KCNQ5: variants seen among roughly 807,000 people sequenced by gnomAD.
KCNQ5 encodes the protein potassium voltage-gated channel subfamily Q member 5, also known as potassium voltage-gated channel subfamily KQT member 5.
In KCNQ5, 30 loss-of-function variants were observed where a neutral mutation model predicts 98.2. The ratio of observed to expected loss-of-function variants is 0.31; its 90% CI spans 0.23 to 0.41. The LOEUF (loss-of-function observed/expected upper bound fraction) is 0.41. Ranked by LOEUF, KCNQ5 falls within the 10% of genes least tolerant of loss-of-function variation. The probability of loss-of-function intolerance (pLI) is 1.00; values close to 1 mark genes in which losing one functional copy is unlikely to be tolerated. For missense variants in KCNQ5, 835 were observed against 1,182.5 expected (o/e 0.71, Z 4.31); for synonymous variants, 458 against 449.4 (o/e 1.02, Z -0.24).
chr6:73,171,676 C>G (rs1260168266), intron 11 of KCNQ5, among the ~76,000 whole-genome samples: 2 of 152,160 alleles, frequency 1.3e-5, no homozygotes, highest in African/African-American at 4.8e-5. Context: ...GACAAAGAAA[C>G]GAAAGATTTC....
intron 3 of KCNQ5, among the ~76,000 whole-genome samples, chr6:73,064,988 C>T (rs1337522742): frequency 6.6e-6 from 1 of 150,986 alleles, no homozygotes. Flanking sequence ...TTTGTGATCA[C>T]ACTTTGAAGC....
At chr6:72,873,782 C>T (rs1326966690) in intron 1 of KCNQ5, among the ~76,000 whole-genome samples, 1 of 151,992 alleles carries the variant, frequency 6.6e-6, no homozygotes, top group East Asian at 1.9e-4. Flanking sequence ...GAGCTAGTTT[C>T]TCAGACCAGA....
intron 10 of KCNQ5, among the ~76,000 whole-genome samples, chr6:73,142,531 A>G (rs1294538990): frequency 1.3e-5 from 2 of 152,144 alleles, no homozygotes. Context: ...CTCAACCTAT[A>G]GCTACGCAAT....
At chr6:72,983,388 C>G (rs1768571476) in intron 1 of KCNQ5, among the ~76,000 whole-genome samples, 1 of 152,054 alleles carries the variant, frequency 6.6e-6, no homozygotes, top group Non-Finnish European at 1.5e-5. Flanking sequence ...TCTTTTTTCT[C>G]TAAACTTCTC....
At chr6:73,047,935 G>A (rs1772044765) in intron 3 of KCNQ5, among the ~76,000 whole-genome samples, 1 of 152,140 alleles carries the variant, frequency 6.6e-6, no homozygotes, top group Non-Finnish European at 1.5e-5. Context: ...ATAAAACAAA[G>A]AAGCAAAGGA....
intron 1 of KCNQ5, among the ~76,000 whole-genome samples, chr6:72,864,315 A>T (rs918953290): frequency 3.9e-5 from 6 of 152,090 alleles, no homozygotes; most frequent in African/African-American, 1.4e-4. Flanking sequence ...CATTAGTACT[A>T]CTCAAGACAC....
At chr6:72,734,477 A>G (rs1770721465) in intron 1 of KCNQ5, among the ~76,000 whole-genome samples, 2 of 151,786 alleles carry the variant, frequency 1.3e-5, no homozygotes, top group Admixed American at 6.6e-5. Flanking sequence ...ACCCACCACC[A>G]CACCTGGCTA....
intron 1 of KCNQ5, among the ~76,000 whole-genome samples, chr6:72,749,888 G>A (rs1400995498): frequency 6.6e-6 from 1 of 151,966 alleles, no homozygotes; most frequent in African/African-American, 2.4e-5. Context: ...GCCTGTCAAG[G>A]AAGTACAAAC....
chr6:72,855,950 A>G (rs1777514136), intron 1 of KCNQ5, among the ~76,000 whole-genome samples: 1 of 152,234 alleles, frequency 6.6e-6, no homozygotes, highest in Admixed American at 6.5e-5. Context: ...ATTGTAATTC[A>G]CATCCATACC....
intron 1 of KCNQ5, among the ~76,000 whole-genome samples, chr6:72,888,077 T>G (rs904712495): frequency 2.0e-5 from 3 of 151,742 alleles, no homozygotes; most frequent in African/African-American, 7.3e-5. Context: ...TCAGATGAAA[T>G]AAAGTTTAAG....
At chr6:72,643,665 G>A (rs1220212919) in intron 1 of KCNQ5, among the ~76,000 whole-genome samples, 4 of 152,038 alleles carry the variant, frequency 2.6e-5, no homozygotes, top group Non-Finnish European at 4.4e-5. Flanking sequence ...AACCTGGAGA[G>A]GCCAAAACAC....
At chr6:72,977,558 C>G (rs956057618) in intron 1 of KCNQ5, among the ~76,000 whole-genome samples, 72 of 152,192 alleles carry the variant, frequency 4.7e-4, no homozygotes, top group Non-Finnish European at 1.5e-4. Flanking sequence ...AAAGCAGGGG[C>G]CGGAAGACCT....
intron 1 of KCNQ5, among the ~76,000 whole-genome samples, chr6:72,763,151 C>T (rs1772374714): frequency 6.6e-6 from 1 of 151,750 alleles, no homozygotes; most frequent in Non-Finnish European, 1.5e-5. Flanking sequence ...AAAGATATAT[C>T]TTTATATTTA....
At chr6:72,921,158 C>T (rs894109921) in intron 1 of KCNQ5, among the ~76,000 whole-genome samples, 1 of 152,066 alleles carries the variant, frequency 6.6e-6, no homozygotes, top group Non-Finnish European at 1.5e-5. Flanking sequence ...GATCTCATAA[C>T]ATGGGGAATA....
chr6:73,147,223 G>A (rs372246926), intron 10 of KCNQ5, among the ~76,000 whole-genome samples: 1 of 152,034 alleles, frequency 6.6e-6, no homozygotes, highest in East Asian at 1.9e-4. Context: ...GATATAATGT[G>A]TGTAAAATTC....
At chr6:72,675,880 A>G (rs1400548075) in intron 1 of KCNQ5, among the ~76,000 whole-genome samples, 1 of 152,202 alleles carries the variant, frequency 6.6e-6, no homozygotes, top group East Asian at 1.9e-4. Context: ...GAATTGAGGG[A>G]GTAAATCACT....
At chr6:72,921,597 G>A (rs1780403973) in intron 1 of KCNQ5, among the ~76,000 whole-genome samples, 1 of 152,132 alleles carries the variant, frequency 6.6e-6, no homozygotes, top group African/African-American at 2.4e-5. Flanking sequence ...TTGAGCTTCA[G>A]TTTCCTCCTC....
At chr6:72,851,783 GTTA>G (rs1364864627) in intron 1 of KCNQ5, among the ~76,000 whole-genome samples, 2 of 151,804 alleles carry the variant, frequency 1.3e-5, no homozygotes, top group Non-Finnish European at 2.9e-5. Context: ...GTTAAGAATA[GTTA>G]TTATTTGTTT....
At chr6:73,038,200 T>C (rs1771525864) in intron 2 of KCNQ5, among the ~76,000 whole-genome samples, 1 of 151,742 alleles carries the variant, frequency 6.6e-6, no homozygotes, top group Non-Finnish European at 1.5e-5. Context: ...TAAAGAAATA[T>C]GATTAATTTT....
Sources: allele counts gnomAD v4.1 joint callset (sites outside exome capture counted in the v4.1 genomes callset), GRCh38; gene constraint gnomAD v4.1.1; transcripts MANE v1.5; gene names NCBI Gene and HGNC (gene_info 2026-07-23, HGNC 2026-07-21).